Variants in KDM6A observed in about 807,000 individuals in gnomAD.
The protein encoded by KDM6A is lysine-specific demethylase 6A.
In KDM6A, 11 loss-of-function variants were observed where a neutral mutation model predicts 117.6. The ratio of observed to expected loss-of-function variants is 0.09; its 90% CI spans 0.06 to 0.15. KDM6A has a LOEUF of 0.15. KDM6A is among the 10% of genes least tolerant of loss of function. The probability of loss-of-function intolerance (pLI) is 1.00; values close to 1 mark genes in which losing one functional copy is unlikely to be tolerated. For synonymous variants in KDM6A, 384 were observed against 396.1 expected, an observed-to-expected ratio of 0.97 and a Z score of 0.36; for missense variants, 799 against 1,077.3, an observed-to-expected ratio of 0.74 and a Z score of 3.62.
intron 5 of KDM6A, among the ~76,000 whole-genome samples, chrX:45,015,376 A>G (rs1041357394): frequency 1.8e-5 from 2 of 110,988 alleles, no homozygotes; most frequent in Non-Finnish European, 3.8e-5. Flanking sequence ...TGGCCTTCCA[A>G]AGTGCTGGGA....
chrX:45,085,989 C>A lies in KDM6A; in HGVS notation c.3704+10C>A. On this transcript the variant is annotated intron_variant, in intron 25 of 29. Transcript: ENST00000611820. ...ATGACTTCTGTGAAAAGTAGGTTTC[C>A]AAAGTAAATTTTCTTAAAACATATA... 9.5e-7 allele frequency: 1 copy of A among 1,058,182 alleles called. No homozygotes were observed. The highest frequency in any genetic ancestry group is 1.3e-6 in the Non-Finnish European group (1 of 756,627). The allele number at this position is 1,058,182 out of a possible 1,213,427, so 87.2% of individuals were successfully genotyped here. A position where few individuals can be genotyped will look rare whatever the true frequency, so the allele number is the denominator to read the frequency against.
intron 3 of KDM6A, among the ~76,000 whole-genome samples, chrX:44,964,456 A>G (rs1019349143): frequency 8.3e-5 from 9 of 108,518 alleles, no homozygotes; most frequent in African/African-American, 2.7e-4. Flanking sequence ...CTCAGAAAAA[A>G]AAAAAAAAAA....
At chrX:44,918,398 C>G (rs745539948) in intron 2 of KDM6A, among the ~76,000 whole-genome samples, 25 of 110,814 alleles carry the variant, frequency 2.3e-4, no homozygotes, top group Non-Finnish European at 4.0e-4. Context: ...CATATTATCT[C>G]TTTTGGGGAA....
intron 5 of KDM6A, among the ~76,000 whole-genome samples, chrX:45,017,535 A>C (rs747599234): frequency 1.0e-5 from 1 of 95,502 alleles, no homozygotes; most frequent in Non-Finnish European, 1.9e-5. Context: ...TTATTTATTT[A>C]CTTGTTTTTC....
intron 4 of KDM6A, among the ~76,000 whole-genome samples, chrX:44,981,984 T>C (rs1292447339): frequency 8.9e-6 from 1 of 111,979 alleles, no homozygotes; most frequent in Non-Finnish European, 1.9e-5. Context: ...CTGGGGAGGC[T>C]GAGGCAGAGA....
intron 2 of KDM6A, among the ~76,000 whole-genome samples, chrX:44,943,747 T>C (rs1270418419): frequency 8.9e-6 from 1 of 112,328 alleles, no homozygotes; most frequent in Non-Finnish European, 1.9e-5. Context: ...AAAGCTGCTA[T>C]AAACATTCAT....
chrX:45,064,349 T>C (rs981901879), intron 17 of KDM6A, among the ~76,000 whole-genome samples: 1 of 111,019 alleles, frequency 9.0e-6, no homozygotes, highest in African/African-American at 3.3e-5. Flanking sequence ...TGGTGAAGTG[T>C]GCCTAGAAGA....
rs1313819504 is a variant in KDM6A, at chrX:45,111,457, A to C, written c.*46A>C. On this transcript the variant is annotated 3_prime_UTR_variant, in exon 30 of 30. Transcript: ENST00000611820. ...ATGAGACCTTTTCTGCTATTCAGGA[A>C]ATAACCCAGTTCTGCACCACTGGTT... 1 of 1,066,059 alleles carries C rather than the reference A, an allele frequency of 9.4e-7. No homozygotes were observed. The highest frequency in any genetic ancestry group is 1.8e-5 in the African/African-American group (1 of 54,601). The allele number at this position is 1,066,059 out of a possible 1,213,427, so 87.9% of individuals were successfully genotyped here. A position where few individuals can be genotyped will look rare whatever the true frequency, so the allele number is the denominator to read the frequency against.
chrX:45,030,224 C>T (rs941923022), intron 6 of KDM6A, among the ~76,000 whole-genome samples: 1 of 107,312 alleles, frequency 9.3e-6, no homozygotes, highest in Non-Finnish European at 1.9e-5. Context: ...AGACATAAAT[C>T]TGGAGCCAAA....
At chrX:45,030,387 G>A (rs766991644) in intron 6 of KDM6A, among the ~76,000 whole-genome samples, 12 of 99,916 alleles carry the variant, frequency 1.2e-4, no homozygotes, top group Admixed American at 1.2e-3. Context: ...AAGATTGTCA[G>A]GATTTGTTAG....
chrX:45,080,659 CT>C (rs1239207162), intron 21 of KDM6A, among the ~76,000 whole-genome samples: 2 of 111,901 alleles, frequency 1.8e-5, no homozygotes, highest in Non-Finnish European at 3.8e-5. Context: ...TCCTTTCCCC[CT>C]GCCGCTCCCT....
intron 18 of KDM6A, among the ~76,000 whole-genome samples, chrX:45,070,666 A>G (rs1210175627): frequency 9.1e-6 from 1 of 109,413 alleles, no homozygotes; most frequent in Non-Finnish European, 1.9e-5. Context: ...AATGGGTTAA[A>G]TCATATTTGG....
chrX:45,039,034 A>G, intron 8 of KDM6A, among the ~76,000 whole-genome samples: 1 of 111,369 alleles, frequency 9.0e-6, no homozygotes, highest in Non-Finnish European at 1.9e-5. Flanking sequence ...CCCGTTATTT[A>G]TATTGTTATA....
intron 8 of KDM6A, among the ~76,000 whole-genome samples, chrX:45,042,273 GAGA>G (rs2043290511): frequency 3.4e-5 from 1 of 29,766 alleles, no homozygotes; most frequent in African/African-American, 2.7e-4. Flanking sequence ...GGGGAGAGGG[GAGA>G]GGGGAGAGGG....
chrX:45,089,088 T>C (rs2045780414), intron 25 of KDM6A, among the ~76,000 whole-genome samples: 1 of 112,105 alleles, frequency 8.9e-6, no homozygotes, highest in Non-Finnish European at 1.9e-5. Context: ...ATTTACCTTT[T>C]AGGGATTTCT....
chrX:45,042,257 GGGAGA>G lies in KDM6A; in HGVS notation c.654+4571_654+4575del, dbSNP rs1569528648. On this transcript the variant is annotated intron_variant, in intron 8 of 29. Coordinates refer to ENST00000611820, the MANE Select transcript of KDM6A (RefSeq NM_001291415.2). The stretch of plus-strand genomic sequence containing the variant: ...GGAGACCGTGGAAGGAGACCGTGGA[GGGAGA>G]GGGGAGAGGGGAGAGGGGAGAGGGG... Among the ~76,000 whole-genome samples the G allele has an allele frequency of 9.8e-3, 92 of 9,405 alleles. 2 individuals carry two copies. The highest frequency in any genetic ancestry group is 0.032 in the African/African-American group (55 of 1,718). 8.2% of individuals were successfully genotyped at this position (9,405 alleles called of 115,157 possible).
chrX:45,106,011 C>G (rs2046517432), intron 27 of KDM6A, among the ~76,000 whole-genome samples: 2 of 111,374 alleles, frequency 1.8e-5, no homozygotes, highest in African/African-American at 3.3e-5. Context: ...ACCATTCCCC[C>G]CCGCCCCTTC....
intron 2 of KDM6A, among the ~76,000 whole-genome samples, chrX:44,876,254 C>T (rs1486650709): frequency 9.0e-6 from 1 of 111,367 alleles, no homozygotes; most frequent in African/African-American, 3.3e-5. Context: ...TTGGTTGCAT[C>T]TTTGTGAGCC....
At chrX:44,988,305 T>A (rs112285457) in intron 4 of KDM6A, among the ~76,000 whole-genome samples, 4,536 of 110,759 alleles carry the variant, frequency 0.041, 81 homozygotes, top group Middle Eastern at 0.083. Context: ...AGTTAGCCAT[T>A]CATCTGATTT....
Sources: allele counts gnomAD v4.1 joint callset (sites outside exome capture counted in the v4.1 genomes callset), GRCh38; gene constraint gnomAD v4.1.1; transcripts MANE v1.5; gene names NCBI Gene and HGNC (gene_info 2026-07-23, HGNC 2026-07-21).